The following SENP1 variants were observed in gnomAD, a reference collection of about 807,000 sequenced individuals.
SENP1 encodes the protein SUMO specific peptidase 1.
Under a neutral mutation model 93.0 loss-of-function variants are expected in SENP1, and 21 were observed. The ratio of observed to expected loss-of-function variants is 0.23; its 90% CI spans 0.16 to 0.33. The LOEUF (loss-of-function observed/expected upper bound fraction) is 0.33. SENP1 is among the 10% of genes least tolerant of loss of function. The probability of loss-of-function intolerance (pLI) is 1.00; values close to 1 mark genes in which losing one functional copy is unlikely to be tolerated. For synonymous variants in SENP1, 256 were observed against 259.6 expected, an observed-to-expected ratio of 0.99 and a Z score of 0.13; for missense variants, 591 against 758.7, an observed-to-expected ratio of 0.78 and a Z score of 2.60.
chr12:48,085,715 CAAAAAAAAAAAA>C (rs200416260), intron 5 of SENP1, among the ~76,000 whole-genome samples: 8,614 of 116,346 alleles, frequency 0.074, 357 homozygotes, highest in Non-Finnish European at 0.11. Context: ...TTGCTTCTCT[CAAAAAAAAAAAA>C]AAAAAAAAAA....
intron 9 of SENP1, among the ~76,000 whole-genome samples, chr12:48,070,323 A>T (rs745739723): frequency 6.6e-6 from 1 of 152,218 alleles, no homozygotes. Context: ...TCACTTTATC[A>T]GAGACTTTCC....
intron 4 of SENP1, among the ~76,000 whole-genome samples, chr12:48,094,858 A>G (rs1227255326): frequency 6.6e-6 from 1 of 152,188 alleles, no homozygotes; most frequent in Non-Finnish European, 1.5e-5. Context: ...AAGCAAACAT[A>G]GCCTGAGTTC....
At position 48,048,003 on chromosome 12, in the gene SENP1, G is replaced by A; in HGVS notation, c.1689C>T (p.Leu563=). The stretch of plus-strand genomic sequence containing the variant: ...TCTGTCCTCAACTCCCTACTTACAA[G>A]AGTATTCTGCAGGCTTCATTGTTTA... The part of the protein sequence containing the change: ...GGINNEACRI[L]LQYLKQESID... Residue 563 remains leucine, a splice_region_variant and synonymous_variant, in exon 15 of 18, where the codon CTC becomes CTT. Transcript: ENST00000549518. 1.3e-6 allele frequency: 2 copies of A among 1,595,514 alleles called. No homozygotes were observed. Among genetic ancestry groups the A allele is most frequent in the South Asian group, 2.2e-5 (2 of 90,636 alleles).
At position 48,066,981 on chromosome 12, in the gene SENP1, GA is replaced by G. The variant is rs1478192117; in HGVS notation, c.996-17del. 6.5e-7 allele frequency: 1 copy of G among 1,533,120 alleles called. No homozygotes were observed. Among genetic ancestry groups the G allele is most frequent in the African/African-American group, 1.4e-5 (1 of 72,694 alleles). 95.0% of individuals were successfully genotyped at this position (1,533,120 alleles called of 1,614,324 possible). ...GAAAGTAGAACTATGGGTAGGAAAA[GA>G]AAAATTTGACAAATGAGCAGGAGGC... On this transcript the variant is annotated splice_polypyrimidine_tract_variant and intron_variant, in intron 9 of 17. Transcript: ENST00000549518.
At chr12:48,086,157 GA>G (rs1944846944) in intron 5 of SENP1, among the ~76,000 whole-genome samples, 2 of 152,114 alleles carry the variant, frequency 1.3e-5, no homozygotes, top group African/African-American at 4.8e-5. Flanking sequence ...AAATTCATTT[GA>G]AACATATGAA....
chr12:48,101,102 A>G (rs1444966902), intron 2 of SENP1, among the ~76,000 whole-genome samples: 1 of 152,148 alleles, frequency 6.6e-6, no homozygotes, highest in Non-Finnish European at 1.5e-5. Flanking sequence ...CCTGGCCAAC[A>G]TGGCGAAACC....
chr12:48,094,591 A>T (rs2137259413), intron 4 of SENP1, among the ~76,000 whole-genome samples: 1 of 152,184 alleles, frequency 6.6e-6, no homozygotes, highest in East Asian at 1.9e-4. Flanking sequence ...GAGGCAGGTG[A>T]ATTGCTTGAA....
intron 4 of SENP1, 168 bp from the exon 5 acceptor site, chr12:48,089,128 C>T: frequency 1.5e-5 from 24 of 1,574,366 alleles, no homozygotes; most frequent in Non-Finnish European, 2.0e-5. Context: ...AGTAGGGGAA[C>T]TTCTACAAAC....
At chr12:48,085,380 C>G in intron 5 of SENP1, 6 of 1,334,912 alleles carry the variant, frequency 4.5e-6, no homozygotes, top group Non-Finnish European at 5.3e-6. Flanking sequence ...CTCCACCCTG[C>G]GGAGGGCCAG....
At chr12:48,092,957 A>G (rs1945307545) in intron 4 of SENP1, among the ~76,000 whole-genome samples, 1 of 152,230 alleles carries the variant, frequency 6.6e-6, no homozygotes, top group East Asian at 1.9e-4. Flanking sequence ...GTTATTAACA[A>G]TAGCTGAAAA....
intron 1 of SENP1, chr12:48,105,228 T>G (rs1168910992): frequency 2.7e-6 from 1 of 372,666 alleles, no homozygotes; most frequent in Non-Finnish European, 5.3e-6. Context: ...TAAAATGACT[T>G]TAACAAGGCT....
At chr12:48,091,893 C>A (rs1177731769) in intron 4 of SENP1, among the ~76,000 whole-genome samples, 1 of 152,070 alleles carries the variant, frequency 6.6e-6, no homozygotes, top group Non-Finnish European at 1.5e-5. Context: ...GTTGCCTGGG[C>A]TGGTCTCAAA....
rs1943214100 is a variant in SENP1 at position 48,065,169 on chromosome 12, G to A, written c.1171C>T (p.Arg391Cys). 6 of 1,609,038 alleles carry A rather than the reference G, an allele frequency of 3.7e-6. No homozygotes were observed. Among genetic ancestry groups the A allele is most frequent in the Non-Finnish European group, 5.1e-6 (6 of 1,176,084 alleles). ...GGAATCTCCTTTTCAAGAGGTACAC[G>A]AAGATGTAGTTCTACTGAATCATGT... is the stretch of plus-strand genomic sequence containing the variant. ...SVHDSVELHL[R>C]VPLEKEIPVT... The change falls in exon 12 of 18, where the codon CGT becomes TGT. Residue 391 changes from arginine to cysteine, a missense_variant. Physicochemically the swap from Arg to Cys is radical, Grantham distance 180. Coordinates refer to ENST00000549518, the MANE Select transcript of SENP1 (RefSeq NM_001267594.2).
In SENP1 at chr12:48,056,799, T is replaced by C. The variant is rs372994519; in HGVS notation, c.1407+6911A>G. Among the ~76,000 whole-genome samples, 319 of 71,658 alleles carry C rather than the reference T, an allele frequency of 4.5e-3. 52 individuals are homozygous for C. Among genetic ancestry groups the C allele is most frequent in the Non-Finnish European group, 5.6e-3 (240 of 43,020 alleles). The allele number at this position is 71,658 out of a possible 152,430, so 47.0% of individuals were successfully genotyped here. On this transcript the variant is annotated intron_variant, in intron 13 of 17. Coordinates refer to ENST00000549518, the MANE Select transcript of SENP1 (RefSeq NM_001267594.2). ...TACATATTACATATATATTATTTAA[T>C]ATATTACATATTACATATATAAATA...
chr12:48,086,387 A>T (rs765425426), intron 5 of SENP1, among the ~76,000 whole-genome samples: 2 of 152,218 alleles, frequency 1.3e-5, no homozygotes, highest in African/African-American at 2.4e-5. Context: ...GGTATTAGCA[A>T]ATGATATTAA....
intron 13 of SENP1, among the ~76,000 whole-genome samples, chr12:48,057,939 CTCTTTT>C (rs1203512866): frequency 1.1e-5 from 1 of 93,412 alleles, no homozygotes; most frequent in African/African-American, 4.8e-5. Context: ...ATTTTATTTC[CTCTTTT>C]TTTTTTTTTT....
In SENP1 at chr12:48,106,000, C is replaced by G. The variant is rs558353115; in HGVS notation, c.-45+28G>C. On this transcript the variant is annotated intron_variant, in intron 1 of 17. Coordinates refer to ENST00000549518, the MANE Select transcript of SENP1 (RefSeq NM_001267594.2). ...GGACCAGGCTCCCTCCATCCTCACCCCTCCCCCAGCTTCCCGCCGCCACTC... is the reference window on the plus strand; with the variant it reads ...GGACCAGGCTCCCTCCATCCTCACCGCTCCCCCAGCTTCCCGCCGCCACTC... 41 of 700,772 alleles carry G rather than the reference C, an allele frequency of 5.9e-5. No individual in the cohort carries two copies. The East Asian group carries it at 9.4e-4, about 16-fold the overall frequency. 43.4% of individuals were successfully genotyped at this position (700,772 alleles called of 1,614,324 possible).
chr12:48,102,431 C>CAAAAAAAAAAAAAAAAAA (rs57161608), intron 1 of SENP1, among the ~76,000 whole-genome samples: 4 of 47,458 alleles, frequency 8.4e-5, no homozygotes, highest in East Asian at 8.7e-4. Context: ...GACTCTGTCT[C>CAAAAAAAAAAAAAAAAAA]AAAAAAAAAA....
chr12:48,079,785 TG>T (rs765055983), intron 6 of SENP1, among the ~76,000 whole-genome samples: 4 of 92,148 alleles, frequency 4.3e-5, no homozygotes, highest in South Asian at 4.9e-4. Flanking sequence ...ACTAGTAAAC[TG>T]TTTTTTTATA....
Sources: gnomAD v4.1 joint callset for allele counts (sites outside exome capture counted in the v4.1 genomes callset) on GRCh38, gnomAD v4.1.1 for gene constraint, MANE v1.5 for transcripts, NCBI Gene and HGNC (gene_info 2026-07-23, HGNC 2026-07-21) for gene names.